GPHN: variants seen among roughly 807,000 people sequenced by gnomAD.
GPHN encodes the protein gephyrin.
A neutral mutation model predicts 95.5 loss-of-function variants in GPHN; 17 were observed. The observed-to-expected ratio is 0.18, with a 90% CI of 0.12 to 0.27. The LOEUF is 0.27. Ranked by LOEUF, GPHN falls within the 10% of genes least tolerant of loss-of-function variation. The probability of loss-of-function intolerance (pLI) is 1.00; values close to 1 mark genes in which losing one functional copy is unlikely to be tolerated. For synonymous variants in GPHN, 320 were observed against 322.5 expected (o/e 0.99, Z 0.08); for missense variants, 660 against 978.1 (o/e 0.67, Z 4.34).
the GPHN span, chr14:67,338,488 G>C: frequency 3.2e-6 from 3 of 943,882 alleles, no homozygotes; most frequent in East Asian, 7.6e-5. Context: ...CCCATAAATA[G>C]ACATCTAGGT....
At chr14:67,280,853 T>TTCCTTCCTTCCCTCCTTCCCTCCC in the GPHN span, among the ~76,000 whole-genome samples, 32 of 77,572 alleles carry the variant, frequency 4.1e-4, 1 homozygote, top group East Asian at 0.017. Context: ...CCTTCCTTCC[T>TTCCTTCCTTCCCTCCTTCCCTCCC]TCCCTCCCTC....
At chr14:66,742,891 A>T (rs2072914988) in intron 2 of GPHN, among the ~76,000 whole-genome samples, 1 of 152,040 alleles carries the variant, frequency 6.6e-6, no homozygotes, top group African/African-American at 2.4e-5. Flanking sequence ...CCTCCCGAGT[A>T]GTTGGGACCA....
intron 17 of GPHN, among the ~76,000 whole-genome samples, chr14:67,140,085 C>T (rs10138865): frequency 0.32 from 48,000 of 151,830 alleles, 11,885 homozygotes; most frequent in African/African-American, 0.67. Flanking sequence ...TCCCAGATAA[C>T]ATGAAAATAA....
chr14:66,941,319 T>C (rs1291786913), intron 8 of GPHN, among the ~76,000 whole-genome samples: 1 of 152,172 alleles, frequency 6.6e-6, no homozygotes, highest in Admixed American at 6.5e-5. Flanking sequence ...ATATTTAGCC[T>C]GATTATTTGC....
intron 1 of GPHN, among the ~76,000 whole-genome samples, chr14:66,615,042 A>G (rs1382445320): frequency 1.3e-5 from 2 of 152,048 alleles, no homozygotes; most frequent in African/African-American, 2.4e-5. Flanking sequence ...AAAAGACATG[A>G]TCTCATTCTT....
At chr14:67,718,769 G>A in the GPHN span, among the ~76,000 whole-genome samples, 1 of 152,146 alleles carries the variant, frequency 6.6e-6, no homozygotes, top group African/African-American at 2.4e-5. Flanking sequence ...CTTTTTTGAT[G>A]TTGATTACAA....
At chr14:66,662,740 G>A (rs146528303) in intron 1 of GPHN, among the ~76,000 whole-genome samples, 2 of 152,316 alleles carry the variant, frequency 1.3e-5, no homozygotes, top group African/African-American at 2.4e-5. Flanking sequence ...AAACATTTCA[G>A]CAACTGACAA....
chr14:66,771,819 T>G (rs1359449164), intron 2 of GPHN, among the ~76,000 whole-genome samples: 3 of 148,096 alleles, frequency 2.0e-5, no homozygotes, highest in South Asian at 2.1e-4. Context: ...AGTGAGAATA[T>G]GCGGTGTTTG....
chr14:67,023,053 A>G (rs894071949), intron 9 of GPHN, among the ~76,000 whole-genome samples: 1 of 152,100 alleles, frequency 6.6e-6, no homozygotes, highest in African/African-American at 2.4e-5. Flanking sequence ...TTCATAATCA[A>G]TATTATAACT....
At chr14:66,891,240 C>T (rs2064483680) in intron 5 of GPHN, among the ~76,000 whole-genome samples, 1 of 151,524 alleles carries the variant, frequency 6.6e-6, no homozygotes, top group African/African-American at 2.4e-5. Flanking sequence ...TTGCAGAATA[C>T]AAAATCAGGC....
At chr14:67,055,885 A>C (rs1241082264) in intron 10 of GPHN, among the ~76,000 whole-genome samples, 1 of 152,218 alleles carries the variant, frequency 6.6e-6, no homozygotes, top group Non-Finnish European at 1.5e-5. Context: ...GTGAAGCTGC[A>C]GACCTTCACA....
the GPHN span, among the ~76,000 whole-genome samples, chr14:67,368,471 TTA>T: frequency 6.6e-6 from 1 of 152,056 alleles, no homozygotes; most frequent in African/African-American, 2.4e-5. Context: ...AAGAAAATAT[TTA>T]GTTACTACTA....
chr14:66,528,861 G>C (rs527601974), intron 1 of GPHN, among the ~76,000 whole-genome samples: 1 of 152,222 alleles, frequency 6.6e-6, no homozygotes, highest in East Asian at 1.9e-4. Flanking sequence ...TTCCTTTGTG[G>C]ATAACCCGAC....
At chr14:67,144,035 A>G (rs1295268512) in intron 18 of GPHN, among the ~76,000 whole-genome samples, 2 of 151,148 alleles carry the variant, frequency 1.3e-5, no homozygotes, top group East Asian at 4.0e-4. Context: ...CCAGGAGTTC[A>G]AGACCACCTG....
chr14:66,509,086 C>A (rs1481417594), intron 1 of GPHN: 1 of 190,008 alleles, frequency 5.3e-6, no homozygotes, highest in Non-Finnish European at 1.1e-5. Context: ...GGACGAGACT[C>A]AGGTGTTAAT....
At chr14:67,136,746 A>G (rs2080100023) in intron 17 of GPHN, among the ~76,000 whole-genome samples, 2 of 152,192 alleles carry the variant, frequency 1.3e-5, no homozygotes, top group Admixed American at 1.3e-4. Flanking sequence ...TCTGTTGCCT[A>G]GTACATACAT....
intron 1 of GPHN, among the ~76,000 whole-genome samples, chr14:66,633,217 T>G (rs1187244017): frequency 1.3e-5 from 2 of 152,130 alleles, no homozygotes; most frequent in Non-Finnish European, 2.9e-5. Context: ...CTCCTATACT[T>G]CTTATCTTCT....
At chr14:67,412,314 C>T in the GPHN span, 1 of 416,398 alleles carries the variant, frequency 2.4e-6, no homozygotes, top group Non-Finnish European at 4.2e-6. Context: ...AGGTACAGAG[C>T]GGCCAACCCC....
chr14:67,427,784 C>T, the GPHN span, among the ~76,000 whole-genome samples: 1 of 152,092 alleles, frequency 6.6e-6, no homozygotes, highest in Admixed American at 6.6e-5. Flanking sequence ...CTCCTCAGGC[C>T]CCCCTGCACT....
Sources: gnomAD v4.1 joint callset for allele counts (sites outside exome capture counted in the v4.1 genomes callset) on GRCh38, gnomAD v4.1.1 for gene constraint, MANE v1.5 for transcripts, NCBI Gene and HGNC (gene_info 2026-07-23, HGNC 2026-07-21) for gene names.